The following GRID2 variants were observed in gnomAD, a reference collection of about 807,000 sequenced individuals.
GRID2 encodes the protein glutamate ionotropic receptor delta type subunit 2, also known as glutamate receptor ionotropic, delta-2.
In GRID2, 33 loss-of-function variants were observed where a neutral mutation model predicts 114.8. That is an observed-to-expected ratio of 0.29 (90% confidence interval 0.22 to 0.38). GRID2 has a LOEUF of 0.38. GRID2 is among the 10% of genes least tolerant of loss of function. The probability of loss-of-function intolerance (pLI) is 1.00; values close to 1 mark genes in which losing one functional copy is unlikely to be tolerated. For synonymous variants in GRID2, 505 were observed against 449.9 expected (o/e 1.12, Z -1.55); for missense variants, 1,184 against 1,257.7 (o/e 0.94, Z 0.89).
intron 8 of GRID2, among the ~76,000 whole-genome samples, chr4:93,350,888 A>C (rs1308046125): frequency 1.3e-5 from 2 of 152,088 alleles, no homozygotes; most frequent in Non-Finnish European, 2.9e-5. Context: ...TTATAAAGGA[A>C]AGAGTTTTAA....
chr4:92,510,278 T>C (rs1724181575), intron 1 of GRID2, among the ~76,000 whole-genome samples: 1 of 151,910 alleles, frequency 6.6e-6, no homozygotes, highest in Non-Finnish European at 1.5e-5. Flanking sequence ...TACAATGGAT[T>C]TGTCATTTAC....
Position 92,903,511 on chromosome 4 carries a change from A to AG in GRID2, c.245-181482dup, listed in dbSNP as rs200021327. Among the ~76,000 whole-genome samples the AG allele has an allele frequency of 4.2e-3, 643 of 152,114 alleles. 3 individuals are homozygous for AG. Among genetic ancestry groups the AG allele is most frequent in the African/African-American group, 0.015 (616 of 41,554 alleles). Reference sequence around the variant, plus strand: ...ATGAGTTACCTGCATTTTAACCTGGAGGAACCCACAGGAATAAATTTCAAA... The same window carrying AG: ...ATGAGTTACCTGCATTTTAACCTGGAGGGAACCCACAGGAATAAATTTCAAA... On this transcript the variant is annotated intron_variant, in intron 2 of 15. Transcript: ENST00000282020.
intron 1 of GRID2, among the ~76,000 whole-genome samples, chr4:92,370,897 T>G (rs997979589): frequency 2.6e-5 from 4 of 152,086 alleles, no homozygotes; most frequent in Admixed American, 6.6e-5. Flanking sequence ...TTCTAGAAAG[T>G]TCTAGAAAAC....
At chr4:92,937,176 T>G in intron 2 of GRID2, among the ~76,000 whole-genome samples, 1 of 146,584 alleles carries the variant, frequency 6.8e-6, no homozygotes, top group East Asian at 2.2e-4. Context: ...TGTCCTTAGA[T>G]ACACAAAATA....
In GRID2 at chr4:93,493,638, T is replaced by A. The variant is rs577067798; in HGVS notation, c.1997+2861T>A. Among the ~76,000 whole-genome samples the A allele has an allele frequency of 4.6e-5, 7 of 151,830 alleles. No homozygotes were observed. In the East Asian group the frequency reaches 1.4e-3, roughly 30 times the overall value. On this transcript the variant is annotated intron_variant, in intron 12 of 15. Coordinates refer to ENST00000282020, the MANE Select transcript of GRID2 (RefSeq NM_001510.4). ...GCAGACTTTGTGGTGTCTGTAAATCTGAGTTATTTAGTTATTACTAACTTT... is the reference window on the plus strand; with the variant it reads ...GCAGACTTTGTGGTGTCTGTAAATCAGAGTTATTTAGTTATTACTAACTTT...
chr4:92,951,910 G>A (rs1752070212), intron 2 of GRID2, among the ~76,000 whole-genome samples: 2 of 151,932 alleles, frequency 1.3e-5, no homozygotes, highest in Non-Finnish European at 2.9e-5. Flanking sequence ...TTTTATGGCT[G>A]TGTATTATTT....
intron 14 of GRID2, among the ~76,000 whole-genome samples, chr4:93,663,987 G>A (rs115907187): frequency 0.017 from 2,544 of 152,170 alleles, 78 homozygotes; most frequent in African/African-American, 0.059. Context: ...ATAAGATAAG[G>A]GAGAAAATGA....
At chr4:92,755,772 A>G (rs895238766) in intron 2 of GRID2, among the ~76,000 whole-genome samples, 5 of 152,190 alleles carry the variant, frequency 3.3e-5, no homozygotes, top group Admixed American at 3.3e-4. Flanking sequence ...ATTTAATTTT[A>G]TTCTGAGTGT....
At chr4:92,638,867 G>T (rs1029924583) in intron 2 of GRID2, among the ~76,000 whole-genome samples, 97 of 150,606 alleles carry the variant, frequency 6.4e-4, no homozygotes, top group Non-Finnish European at 8.3e-4. Flanking sequence ...TCATATGATA[G>T]TTTTTGTTCT....
rs147945165 is a variant in GRID2 at position 93,349,583 on chromosome 4, T to C, written c.1246-46024T>C. Among the ~76,000 whole-genome samples, 756 of 152,118 alleles carry C rather than the reference T, an allele frequency of 5.0e-3. 5 individuals are homozygous for C. Among genetic ancestry groups the C allele is most frequent in the African/African-American group, 0.017 (712 of 41,544 alleles). ...TTTTGCACATAATAGAAAAGCAAAATTTTAAAAATGGAAGAGTCATAGTCT... is the reference window on the plus strand; with the variant it reads ...TTTTGCACATAATAGAAAAGCAAAACTTTAAAAATGGAAGAGTCATAGTCT... On this transcript the variant is annotated intron_variant, in intron 8 of 15. Transcript: ENST00000282020.
chr4:92,950,622 T>G (rs1751960952), intron 2 of GRID2, among the ~76,000 whole-genome samples: 1 of 152,162 alleles, frequency 6.6e-6, no homozygotes, highest in Admixed American at 6.6e-5. Context: ...ATAGCATGCT[T>G]CTTCTCACAG....
chr4:93,644,683 C>T (rs113217373), intron 14 of GRID2, among the ~76,000 whole-genome samples: 35 of 152,128 alleles, frequency 2.3e-4, no homozygotes, highest in African/African-American at 8.2e-4. Context: ...CAGAAATTTG[C>T]CAAACAAATT....
At chr4:93,530,884 C>T (rs953623289) in intron 13 of GRID2, among the ~76,000 whole-genome samples, 10 of 152,100 alleles carry the variant, frequency 6.6e-5, no homozygotes, top group African/African-American at 2.4e-4. Context: ...CATAGTGTTC[C>T]TCTTAAACAG....
rs527968192 is a variant in GRID2 at position 92,882,829 on chromosome 4, G to T, written c.245-202166G>T. Among the ~76,000 whole-genome samples the T allele has an allele frequency of 3.9e-5, 6 of 152,196 alleles. No individual in the cohort carries two copies. In the East Asian group the frequency reaches 1.2e-3, roughly 29 times the overall value. ...TATTTTAATTTAAAGTAAAACCTTT[G>T]GTGGTTAAAAAATGCTAACAAATAA... On this transcript the variant is annotated intron_variant, in intron 2 of 15. Coordinates refer to ENST00000282020, the MANE Select transcript of GRID2 (RefSeq NM_001510.4).
chr4:93,264,078 A>T (rs1421054037), intron 8 of GRID2, among the ~76,000 whole-genome samples: 1 of 152,164 alleles, frequency 6.6e-6, no homozygotes, highest in Non-Finnish European at 1.5e-5. Context: ...ATATTCAGGC[A>T]GCTAATTGTA....
intron 2 of GRID2, among the ~76,000 whole-genome samples, chr4:92,878,990 T>C (rs1745815357): frequency 6.6e-6 from 1 of 152,142 alleles, no homozygotes; most frequent in Non-Finnish European, 1.5e-5. Flanking sequence ...AATGGCATCA[T>C]TTTAAATTAA....
At chr4:92,768,440 T>A (rs1417838385) in intron 2 of GRID2, among the ~76,000 whole-genome samples, 1 of 152,214 alleles carries the variant, frequency 6.6e-6, no homozygotes, top group Non-Finnish European at 1.5e-5. Flanking sequence ...CAAGTGTGGA[T>A]GGCTTCCCCT....
chr4:92,544,977 C>G (rs969756661), intron 1 of GRID2, among the ~76,000 whole-genome samples: 2 of 151,750 alleles, frequency 1.3e-5, no homozygotes, highest in Non-Finnish European at 2.9e-5. Flanking sequence ...TTATGGCACC[C>G]GAGAAATACA....
At position 93,172,188 on chromosome 4, in the gene GRID2, T is replaced by C. The variant is rs115910958; in HGVS notation, c.736-35216T>C. On this transcript the variant is annotated intron_variant, in intron 4 of 15. Transcript: ENST00000282020. The stretch of plus-strand genomic sequence containing the variant: ...AGTCTACATTACCAGTGATGTGTTC[T>C]TAAGTTTTGTGGTAGTCAAAGGACC... Among the ~76,000 whole-genome samples the C allele has an allele frequency of 2.2e-3, 328 of 152,324 alleles. 3 individuals are homozygous for C. Among genetic ancestry groups the C allele is most frequent in the African/African-American group, 7.1e-3 (297 of 41,570 alleles).
Sources: allele counts gnomAD v4.1 joint callset (sites outside exome capture counted in the v4.1 genomes callset), GRCh38; gene constraint gnomAD v4.1.1; transcripts MANE v1.5; gene names NCBI Gene and HGNC (gene_info 2026-07-23, HGNC 2026-07-21).